The following L3MBTL2 variants were observed in gnomAD, a reference collection of about 807,000 sequenced individuals.
L3MBTL2 encodes the protein L3MBTL histone methyl-lysine binding protein 2.
A neutral mutation model predicts 86.4 loss-of-function variants in L3MBTL2; 49 were observed. The ratio of observed to expected loss-of-function variants is 0.57; its 90% confidence interval spans 0.45 to 0.72. The LOEUF is 0.72. L3MBTL2 is among the 30% of genes least tolerant of loss of function. The pLI, the probability that L3MBTL2 is intolerant of heterozygous loss-of-function variation, is 0.00. For synonymous variants in L3MBTL2, 336 were observed against 350.6 expected (o/e 0.96, Z 0.47); for missense variants, 755 against 923.7 (o/e 0.82, Z 2.37).
rs757533541 is a variant in L3MBTL2, at chr22:41,226,677, C to T, written c.1520C>T (p.Thr507Ile). 5.6e-6 allele frequency: 9 copies of T among 1,613,618 alleles called. No individual in the cohort carries two copies. The highest frequency in any genetic ancestry group is 7.6e-6 in the Non-Finnish European group (9 of 1,179,620). Residue 507 changes from threonine to isoleucine, a missense_variant, in exon 13 of 17, where the codon ACT (threonine) becomes ATT (isoleucine). Physicochemically the swap from Thr to Ile is moderately conservative, Grantham distance 89 (BLOSUM62 -1). This residue lies in a region of L3MBTL2 where 634 missense variants were observed against 748.9 expected (regional missense o/e 0.85). Transcript: ENST00000216237. The part of the protein sequence containing the change: ...LTPPKGYEAQ[T>I]FNWENYLEKT... ...GCTCCTCCAGGTTATGAGGCACAGA[C>T]TTTCAACTGGGAGAACTACTTGGAG...
At chr22:41,228,151 C>T (rs1601539921) in intron 15 of L3MBTL2, 1 of 985,444 alleles carries the variant, frequency 1.0e-6, no homozygotes, top group Non-Finnish European at 1.2e-6. Flanking sequence ...TTGGGGGATC[C>T]CATCCCTGAT....
At chr22:41,214,770 T>G (rs1026589242) in intron 3 of L3MBTL2, 7 of 152,226 alleles carry the variant, frequency 4.6e-5, no homozygotes, top group African/African-American at 1.7e-4. Context: ...CCCAGCACTT[T>G]GGGAGACCGA....
In L3MBTL2 at chr22:41,224,092, C is replaced by T. The variant is rs1420087013; in HGVS notation, c.1015C>T (p.Arg339Cys). 15 of 1,614,058 alleles carry T rather than the reference C, an allele frequency of 9.3e-6. No individual in the cohort carries two copies. The highest frequency in any genetic ancestry group is 1.1e-5 in the Non-Finnish European group (13 of 1,180,012). ...AGTGGTGGACAAGTCCCAGGTGTCA[C>T]GCACTCGCATGGCTGTGGTGGACAC... is the stretch of plus-strand genomic sequence containing the variant. ...LEVVDKSQVSRTRMAVVDTVI... is the reference protein window; with the variant it reads ...LEVVDKSQVSCTRMAVVDTVI... The change falls in exon 9 of 17, where the codon CGC becomes TGC. Residue 339 changes from arginine to cysteine, a missense_variant. Arg to Cys is a radical substitution (Grantham distance 180). Around this residue, in one of 3 missense-constraint regions of L3MBTL2, gnomAD observed 634 missense variants for 748.9 expected, o/e 0.85. Coordinates refer to ENST00000216237, the MANE Select transcript of L3MBTL2 (RefSeq NM_031488.5). This position sits in a 1 kb window ranked among gnomAD's most constrained non-coding sequence, Gnocchi z 4.9.
rs765325571 is a variant in L3MBTL2, at chr22:41,209,655, A to G, written c.25-41A>G. Reference sequence around the variant, plus strand: ...CTTCTCCCCCCGTGCACTAAAGCCAATCATAATTCTTTCTACCTGGTTTGT... The same window carrying G: ...CTTCTCCCCCCGTGCACTAAAGCCAGTCATAATTCTTTCTACCTGGTTTGT... On this transcript the variant is annotated intron_variant, in intron 1 of 16. Transcript: ENST00000216237. 7.6e-6 allele frequency: 12 copies of G among 1,585,770 alleles called. No homozygotes were observed. The East Asian group carries it at 9.0e-5, about 12-fold the overall frequency.
At chr22:41,219,736 T>G (rs1349201026) in intron 6 of L3MBTL2, among the ~76,000 whole-genome samples, 200 bp downstream of exon 6, 3 of 152,086 alleles carry the variant, frequency 2.0e-5, no homozygotes, top group African/African-American at 7.2e-5. Flanking sequence ...ATTTTTTTGT[T>G]TGTTTTTGTT....
At position 41,224,374 on chromosome 22, in the gene L3MBTL2, T is replaced by A; in HGVS notation, c.1174+123T>A. ...GGTTGGCATGGCCCCCCTGCAGTGA[T>A]GATACTGAGCTCCAGAGAGCTTGAG... On this transcript the variant is annotated intron_variant, in intron 9 of 16. Coordinates refer to ENST00000216237, the MANE Select transcript of L3MBTL2 (RefSeq NM_031488.5). The surrounding 1 kb of genome is among the most constrained non-coding windows in gnomAD (Gnocchi z 4.9). 2 of 685,368 alleles carry A rather than the reference T, an allele frequency of 2.9e-6. No individual in the cohort carries two copies. Among genetic ancestry groups the A allele is most frequent in the Non-Finnish European group, 4.9e-6 (2 of 404,798 alleles). The allele number at this position is 685,368 out of a possible 1,614,324, so 42.5% of individuals were successfully genotyped here. A position where few individuals can be genotyped will look rare whatever the true frequency, so the allele number is the denominator to read the frequency against.
intron 6 of L3MBTL2, among the ~76,000 whole-genome samples, chr22:41,219,797 G>T (rs1052121460): frequency 1.3e-5 from 2 of 152,012 alleles, no homozygotes; most frequent in African/African-American, 2.4e-5. Context: ...GCTGGAGTAC[G>T]GTGGCACGAT....
At position 41,226,658 on chromosome 22, in the gene L3MBTL2, C is replaced by G; in HGVS notation, c.1505-4C>G. The G allele has an allele frequency of 6.2e-7, 1 of 1,611,512 alleles. No individual in the cohort carries two copies. Among genetic ancestry groups the G allele is most frequent in the Non-Finnish European group, 8.5e-7 (1 of 1,177,662 alleles). ...CTCTGCATCTGAGCTTTCTGCTCCT[C>G]CAGGTTATGAGGCACAGACTTTCAA... is the stretch of plus-strand genomic sequence containing the variant. On this transcript the variant is annotated splice_region_variant and splice_polypyrimidine_tract_variant and intron_variant, in intron 12 of 16. Coordinates refer to ENST00000216237, the MANE Select transcript of L3MBTL2 (RefSeq NM_031488.5).
At position 41,229,615 on chromosome 22, in the gene L3MBTL2, A is replaced by C. The variant is rs2032439250; in HGVS notation, c.1964A>C (p.Gln655Pro). 2 of 1,613,866 alleles carry C rather than the reference A, an allele frequency of 1.2e-6. No individual in the cohort carries two copies. The highest frequency in any genetic ancestry group is 2.2e-5 in the East Asian group (1 of 44,886). ...AAGCCCCTGCTGGAGGACGACCCTC[A>C]GGGTGCCAGGAAGATCTCGTCGGAG... ...SKKPLLEDDP[Q>P]GARKISSEPV... Residue 655 changes from glutamine (Q) to proline (P), a missense_variant, in exon 16 of 17, where the codon CAG becomes CCG. Coordinates refer to ENST00000216237, the MANE Select transcript of L3MBTL2 (RefSeq NM_031488.5).
Position 41,227,688 on chromosome 22 carries a change from T to A in L3MBTL2, c.1823-116T>A. ...CTCTCCTCATTGCCCAGGTTTGGCT[T>A]CCTGTCTTGGGGTGTCTCGTGTGGG... On this transcript the variant is annotated intron_variant, in intron 14 of 16. Coordinates refer to ENST00000216237, the MANE Select transcript of L3MBTL2 (RefSeq NM_031488.5). This position sits in a 1 kb window ranked among gnomAD's most constrained non-coding sequence, Gnocchi z 6.0. 1.3e-6 allele frequency: 2 copies of A among 1,589,748 alleles called. No individual in the cohort carries two copies. The highest frequency in any genetic ancestry group is 2.3e-5 in the South Asian group (2 of 88,244).
At chr22:41,210,670 G>A (rs1408468882) in intron 2 of L3MBTL2, among the ~76,000 whole-genome samples, 21 of 152,014 alleles carry the variant, frequency 1.4e-4, no homozygotes, top group Non-Finnish European at 1.5e-5. Context: ...CACCATGTCG[G>A]CCAGGCTGGT....
intron 2 of L3MBTL2, among the ~76,000 whole-genome samples, chr22:41,213,141 C>T (rs994084564): frequency 3.3e-5 from 5 of 152,106 alleles, no homozygotes; most frequent in African/African-American, 7.2e-5. Flanking sequence ...GGCGTGAACC[C>T]GGGAGGCAGA....
chr22:41,225,471 C>T lies in L3MBTL2; in HGVS notation c.1357-323C>T, dbSNP rs78568375. Among the ~76,000 whole-genome samples, 2,474 of 152,252 alleles carry T rather than the reference C, an allele frequency of 0.016. 69 individuals are homozygous for T. Among genetic ancestry groups the T allele is most frequent in the African/African-American group, 0.057 (2,362 of 41,548 alleles). The stretch of plus-strand genomic sequence containing the variant: ...AGCACCCCCACCCCTCCTTGGCCCT[C>T]CTGGAGGAGGCTGCTGACTCGTCCT... On this transcript the variant is annotated intron_variant, in intron 11 of 16. Coordinates refer to ENST00000216237, the MANE Select transcript of L3MBTL2 (RefSeq NM_031488.5). This position sits in a 1 kb window ranked among gnomAD's most constrained non-coding sequence, Gnocchi z 4.1.
rs747918741 is a variant in L3MBTL2, at chr22:41,220,863, C to G, written c.848C>G (p.Pro283Arg). 4 of 1,612,782 alleles carry G rather than the reference C, an allele frequency of 2.5e-6. No homozygotes were observed. Among genetic ancestry groups the G allele is most frequent in the Non-Finnish European group, 3.4e-6 (4 of 1,179,084 alleles). The change falls in exon 7 of 17, where the codon CCA becomes CGA. Residue 283 changes from proline (P) to arginine (R), a missense_variant. Physicochemically the swap from Pro to Arg is moderately radical, Grantham distance 103. Coordinates refer to ENST00000216237, the MANE Select transcript of L3MBTL2 (RefSeq NM_031488.5). ...CAINSKILVP[P>R]RTIHAKFTDW... ...ATCAACAGCAAGATCCTAGTGCCCC[C>G]ACGGAGTGAGTTGATGAGAACATTT...
chr22:41,227,094 C>T lies in L3MBTL2; in HGVS notation c.1593C>T (p.Cys531=). 6.2e-7 allele frequency: 1 copy of T among 1,611,094 alleles called. No homozygotes were observed. Among genetic ancestry groups the T allele is most frequent in the Non-Finnish European group, 8.5e-7 (1 of 1,179,028 alleles). The change falls in exon 14 of 17, where the codon TGC becomes TGT. Residue 531 remains cysteine, a synonymous_variant. Coordinates refer to ENST00000216237, the MANE Select transcript of L3MBTL2 (RefSeq NM_031488.5). The surrounding 1 kb of genome is among the most constrained non-coding windows in gnomAD (Gnocchi z 6.0). ...GCCTCCTTTTTCTGCCCCAGGATTG[C>T]CCAAACCATGGCTTCAAGGTGGGCA... ...AAPSRLFNMD[C]PNHGFKVGMK... is the part of the protein sequence containing the mutation.
intron 6 of L3MBTL2, 65 bp downstream of exon 6, chr22:41,219,601 C>T: frequency 9.2e-7 from 1 of 1,083,260 alleles, no homozygotes; most frequent in Non-Finnish European, 1.4e-6. Context: ...GATGGGTGAA[C>T]AGTGTTGTAG....
At chr22:41,226,827 A>G (rs1601535763) in intron 13 of L3MBTL2, 83 bp downstream of exon 13, 1 of 1,043,774 alleles carries the variant, frequency 9.6e-7, no homozygotes, top group Admixed American at 2.1e-5. Context: ...GGCAGTTCCT[A>G]CTCTTTCTCT....
intron 13 of L3MBTL2, 24 bp downstream of exon 13, chr22:41,226,768 G>C: frequency 1.3e-6 from 2 of 1,573,326 alleles, no homozygotes; most frequent in Non-Finnish European, 1.7e-6. Context: ...AGTGGAGCAA[G>C]GGGCCTGCGG....
At position 41,225,009 on chromosome 22, in the gene L3MBTL2, A is replaced by T. The variant is rs1601531292; in HGVS notation, c.1294A>T (p.Met432Leu). 6.2e-7 allele frequency: 1 copy of T among 1,613,976 alleles called. No homozygotes were observed. The highest frequency in any genetic ancestry group is 2.2e-5 in the East Asian group (1 of 44,870). ...AGAAGGCGGTTGGTTTGAGGAAGGG[A>T]TGAAGCTGGAGGCCATTGACCCCCT... ...YTEGGWFEEGMKLEAIDPLNL... is the reference protein window; with the variant it reads ...YTEGGWFEEGLKLEAIDPLNL... Residue 432 changes from methionine to leucine, a missense_variant, in exon 11 of 17, where the codon ATG (methionine) becomes TTG (leucine). This residue lies in a region of L3MBTL2 where 634 missense variants were observed against 748.9 expected (regional missense o/e 0.85). Transcript: ENST00000216237. This position sits in a 1 kb window ranked among gnomAD's most constrained non-coding sequence, Gnocchi z 4.1.
Sources: allele counts gnomAD v4.1 joint callset (sites outside exome capture counted in the v4.1 genomes callset), GRCh38; gene constraint gnomAD v4.1.1; regional missense constraint gnomAD v4.1.1; non-coding constraint Gnocchi (gnomAD v3.1); transcripts MANE v1.5; gene names NCBI Gene and HGNC (gene_info 2026-07-23, HGNC 2026-07-21).